Variants in DPP8 observed in about 807,000 individuals in gnomAD.
DPP8 encodes dipeptidyl peptidase 8, also known as DPP VIII.
A neutral mutation model predicts 107.5 loss-of-function variants in DPP8; 31 were observed. The observed-to-expected ratio is 0.29, with a 90% CI of 0.22 to 0.39. DPP8 has a LOEUF of 0.39. Among genes scored for constraint, DPP8 ranks in the 10% least tolerant of loss-of-function variants. The pLI is 1.00. For synonymous variants in DPP8, 381 were observed against 356.6 expected (o/e 1.07, Z -0.77); for missense variants, 842 against 1,076.1 (o/e 0.78, Z 3.04).
At chr15:65,490,075 C>CT in intron 6 of DPP8, 114 bp downstream of exon 6, 1 of 650,532 alleles carries the variant, frequency 1.5e-6, no homozygotes, top group Non-Finnish European at 2.7e-6. Context: ...ACTTTGGAAT[C>CT]TATTATCCGC....
chr15:65,487,874 TA>T, intron 6 of DPP8, 56 bp from the exon 7 acceptor site: 1 of 1,182,806 alleles, frequency 8.5e-7, no homozygotes, highest in Non-Finnish European at 1.2e-6. Context: ...AGAGTAGTCA[TA>T]ACCAACCGTT....
intron 17 of DPP8, among the ~76,000 whole-genome samples, chr15:65,452,342 C>A (rs2064044767): frequency 6.6e-6 from 1 of 152,008 alleles, no homozygotes; most frequent in South Asian, 2.1e-4. Flanking sequence ...TTAACCTGGG[C>A]TAGCTGAAAT....
chr15:65,490,005 C>G (rs544099677), intron 6 of DPP8, among the ~76,000 whole-genome samples, 184 bp downstream of exon 6: 3 of 152,310 alleles, frequency 2.0e-5, no homozygotes, highest in South Asian at 4.1e-4. Context: ...AGGTGTTAGC[C>G]ACTGTGCCCA....
intron 12 of DPP8, 52 bp from the exon 13 acceptor site, chr15:65,467,275 G>C (rs1219149008): frequency 1.2e-5 from 19 of 1,580,674 alleles, no homozygotes; most frequent in Non-Finnish European, 1.6e-5. Context: ...CCTTGGCAAA[G>C]CTAACCCCCA....
rs764241570 is a variant in DPP8, at chr15:65,450,965, A to C, written c.2526+34T>G. 2.4e-6 allele frequency: 3 copies of C among 1,265,940 alleles called. No individual in the cohort carries two copies. The South Asian group carries it at 3.7e-5, about 15-fold the overall frequency. The allele number at this position is 1,265,940 out of a possible 1,614,324, so 78.4% of individuals were successfully genotyped here. ...TCAAAGTAATCAATCACTAATCATGACTGCATTTAACTAGAAAATGTAGAG... is the reference window on the plus strand; with the variant it reads ...TCAAAGTAATCAATCACTAATCATGCCTGCATTTAACTAGAAAATGTAGAG... On this transcript the variant is annotated intron_variant, in intron 19 of 19. Transcript: ENST00000300141.
intron 3 of DPP8, among the ~76,000 whole-genome samples, chr15:65,506,970 C>T (rs1221058446): frequency 1.3e-5 from 2 of 151,900 alleles, no homozygotes; most frequent in Non-Finnish European, 2.9e-5. Flanking sequence ...CTGTGAACAA[C>T]TCCTTTAAAA....
chr15:65,478,771 CA>C, intron 11 of DPP8, 108 bp downstream of exon 11: 1 of 725,980 alleles, frequency 1.4e-6, no homozygotes, highest in Non-Finnish European at 2.2e-6. Flanking sequence ...TTAAGTTTAA[CA>C]AAGCAAGTAT....
intron 15 of DPP8, chr15:65,459,149 G>A (rs981646616): frequency 6.6e-6 from 1 of 151,822 alleles, no homozygotes; most frequent in Non-Finnish European, 1.5e-5. Flanking sequence ...GAGATTACAA[G>A]CGTGAGCCAC....
At chr15:65,477,606 T>C (rs1053891077) in intron 11 of DPP8, among the ~76,000 whole-genome samples, 3 of 149,680 alleles carry the variant, frequency 2.0e-5, no homozygotes, top group South Asian at 4.3e-4. Flanking sequence ...CTCGGCTCAC[T>C]GCAAGCTCTG....
At chr15:65,466,558 G>A (rs1222664461) in intron 14 of DPP8, 120 bp downstream of exon 14, 6 of 879,140 alleles carry the variant, frequency 6.8e-6, no homozygotes, top group African/African-American at 6.7e-5. Context: ...CAGCAGCTCA[G>A]GGACAGGCAG....
chr15:65,503,586 G>A (rs568025634), intron 3 of DPP8, among the ~76,000 whole-genome samples: 9 of 151,210 alleles, frequency 6.0e-5, no homozygotes, highest in African/African-American at 1.7e-4. Flanking sequence ...GATTACAGGC[G>A]CTGCACCCCC....
At position 65,514,956 on chromosome 15, in the gene DPP8, G is replaced by A. The variant is rs183471550; in HGVS notation, c.-11-2392C>T. 2.6e-5 allele frequency among the ~76,000 whole-genome samples: 4 copies of A among 152,318 alleles called. No homozygotes were observed. In the East Asian group the frequency reaches 7.7e-4, roughly 29 times the overall value. ...CTTGCAAGAATAGGGCTGGGGAACA[G>A]AATAGGGAAGCTCAACAGAAAGACC... On this transcript the variant is annotated intron_variant, in intron 1 of 19. Coordinates refer to ENST00000300141, the MANE Select transcript of DPP8 (RefSeq NM_130434.5).
At chr15:65,508,101 G>A (rs567369415) in intron 2 of DPP8, among the ~76,000 whole-genome samples, 4 of 152,164 alleles carry the variant, frequency 2.6e-5, no homozygotes, top group South Asian at 2.1e-4. Flanking sequence ...TTAGCTGGGC[G>A]TGGTGGCACG....
chr15:65,453,455 A>G (rs945350172), intron 17 of DPP8, among the ~76,000 whole-genome samples: 3 of 151,884 alleles, frequency 2.0e-5, no homozygotes, highest in Non-Finnish European at 4.4e-5. Flanking sequence ...ACACACATAC[A>G]TATATATATA....
At chr15:65,509,525 T>C (rs7166386) in intron 2 of DPP8, among the ~76,000 whole-genome samples, 7,313 of 152,282 alleles carry the variant, frequency 0.048, 601 homozygotes, top group African/African-American at 0.17. Context: ...AGCAGTCATT[T>C]TGGGCCCATG....
At chr15:65,454,894 T>A (rs1344325557) in intron 16 of DPP8, among the ~76,000 whole-genome samples, 7 of 152,122 alleles carry the variant, frequency 4.6e-5, no homozygotes, top group Admixed American at 4.6e-4. Context: ...TCAAATTTTT[T>A]AAAAATCTAT....
At position 65,467,155 on chromosome 15, in the gene DPP8, G is replaced by C. The variant is rs144699847; in HGVS notation, c.1605C>G (p.His535Gln). ...EGTKDSPLEH[H>Q]LYVVSYVNPG... ...GATTTACGTAACTGACTACGTACAG[G>C]TGATGCTCTAAAGGGGAGTCTTTGG... is the stretch of plus-strand genomic sequence containing the variant. The change falls in exon 13 of 20, where the codon CAC becomes CAG. Residue 535 changes from histidine (H) to glutamine (Q), a missense_variant. By Grantham distance (24) the His-to-Gln change is conservative (BLOSUM62 0). This residue lies in a region of DPP8 where 663 missense variants were observed against 758.0 expected (regional missense o/e 0.87). Coordinates refer to ENST00000300141, the MANE Select transcript of DPP8 (RefSeq NM_130434.5). 6.2e-7 allele frequency: 1 copy of C among 1,613,918 alleles called. No individual in the cohort carries two copies. Among genetic ancestry groups the C allele is most frequent in the African/African-American group, 1.3e-5 (1 of 74,928 alleles).
At chr15:65,504,439 A>C (rs924618002) in intron 3 of DPP8, among the ~76,000 whole-genome samples, 1 of 151,640 alleles carries the variant, frequency 6.6e-6, no homozygotes, top group Admixed American at 6.6e-5. Context: ...TGGGAGGCTG[A>C]GGTAGGCAGA....
intron 17 of DPP8, among the ~76,000 whole-genome samples, chr15:65,453,898 A>C (rs2064181538): frequency 6.6e-6 from 1 of 152,172 alleles, no homozygotes; most frequent in Non-Finnish European, 1.5e-5. Context: ...TCTTGAGGTC[A>C]GGAGTTTGAG....
Sources: gnomAD v4.1 joint callset for allele counts (sites outside exome capture counted in the v4.1 genomes callset) on GRCh38, gnomAD v4.1.1 for gene constraint, gnomAD v4.1.1 regional missense constraint, MANE v1.5 for transcripts, NCBI Gene and HGNC (gene_info 2026-07-23, HGNC 2026-07-21) for gene names.